NFATC2: variants seen among roughly 807,000 people sequenced by gnomAD.
NFATC2 encodes the protein nuclear factor of activated T-cells, cytoplasmic 2.
NFATC2 carries 22 observed loss-of-function variants against 87.3 expected under a neutral mutation model. The ratio of observed to expected loss-of-function variants is 0.25; its 90% CI spans 0.18 to 0.36. The LOEUF (loss-of-function observed/expected upper bound fraction) is 0.36. Among genes scored for constraint, NFATC2 ranks in the 10% least tolerant of loss-of-function variants. The pLI, the probability that NFATC2 is intolerant of heterozygous loss-of-function variation, is 1.00. For missense variants in NFATC2, 1,149 were observed against 1,259.1 expected (o/e 0.91, Z 1.32); for synonymous variants, 565 against 542.2 (o/e 1.04, Z -0.58).
rs1026856914 is a variant in NFATC2, at chr20:51,480,506, C to G, written c.1333-4846G>C. Among the ~76,000 whole-genome samples the G allele has an allele frequency of 1.3e-5, 2 of 152,188 alleles. No homozygotes were observed. The highest frequency in any genetic ancestry group is 2.9e-5 in the Non-Finnish European group (2 of 68,034). On this transcript the variant is annotated intron_variant, in intron 3 of 10. Coordinates refer to ENST00000371564, the MANE Select transcript of NFATC2 (RefSeq NM_012340.5). This position sits in a 1 kb window ranked among gnomAD's most constrained non-coding sequence, Gnocchi z 4.2. ...CTGGGTTGAGCTGGGCTGGCTTATA[C>G]AATGTGAGCAGATAGAATCCACCTG...
Position 51,517,912 on chromosome 20 carries a change from C to CAAA in NFATC2, c.1161-960_1161-958dup, listed in dbSNP as rs71192528. 9.8e-4 allele frequency among the ~76,000 whole-genome samples: 136 copies of CAAA among 139,088 alleles called. 1 individual carries two copies. Among genetic ancestry groups the CAAA allele is most frequent in the Non-Finnish European group, 1.4e-3 (89 of 64,492 alleles). 91.2% of individuals were successfully genotyped at this position (139,088 alleles called of 152,430 possible). A position where few individuals can be genotyped will look rare whatever the true frequency, so the allele number is the denominator to read the frequency against. On this transcript the variant is annotated intron_variant, in intron 2 of 10. Coordinates refer to ENST00000371564, the MANE Select transcript of NFATC2 (RefSeq NM_012340.5). Reference sequence around the variant, plus strand: ...AGCCTGGGTAACAGAGAGACTGTCTCAAAAAAAAAAAAAAACATAAACAAA... The same window carrying CAAA: ...AGCCTGGGTAACAGAGAGACTGTCTCAAAAAAAAAAAAAAAAAACATAAACAAA...
chr20:51,458,140 G>T (rs79243669), intron 5 of NFATC2, among the ~76,000 whole-genome samples: 7 of 152,166 alleles, frequency 4.6e-5, no homozygotes, highest in African/African-American at 1.7e-4. Context: ...GCCTCCCGAA[G>T]TGTTGGGATT....
rs780505863 is a variant in NFATC2 at position 51,475,616 on chromosome 20, G to A, written c.1377C>T (p.Phe459=). The change falls in exon 4 of 11, where the codon TTC becomes TTT. Residue 459 remains phenylalanine, a synonymous_variant. Coordinates refer to ENST00000371564, the MANE Select transcript of NFATC2 (RefSeq NM_012340.5). ...GGATCCGCTCATCAGCTGTCCCAAT[G>A]AAGATCTGAAGTCCCAGAGGCTTGT... is the stretch of plus-strand genomic sequence containing the variant. ...MENKPLGLQI[F]IGTADERILK... 17 of 1,614,032 alleles carry A rather than the reference G, an allele frequency of 1.1e-5. No individual in the cohort carries two copies. The South Asian group carries it at 1.5e-4, about 15-fold the overall frequency.
chr20:51,409,177 C>G (rs1188243279), intron 9 of NFATC2, among the ~76,000 whole-genome samples: 1 of 152,200 alleles, frequency 6.6e-6, no homozygotes, highest in Non-Finnish European at 1.5e-5. Flanking sequence ...TTGGTATCGT[C>G]TACTAAAGTT....
At chr20:51,469,177 CA>C (rs1987970360) in intron 5 of NFATC2, among the ~76,000 whole-genome samples, 1 of 152,160 alleles carries the variant, frequency 6.6e-6, no homozygotes, top group African/African-American at 2.4e-5. Context: ...CATGCACCAG[CA>C]TGCCTGGCTA....
At chr20:51,413,872 T>C (rs1441707916) in intron 9 of NFATC2, among the ~76,000 whole-genome samples, 2 of 152,234 alleles carry the variant, frequency 1.3e-5, no homozygotes, top group East Asian at 3.8e-4. Context: ...TGGGCTACAG[T>C]TTCCTCATCT....
intron 5 of NFATC2, among the ~76,000 whole-genome samples, chr20:51,460,333 T>G (rs1474145487): frequency 6.6e-6 from 1 of 151,868 alleles, no homozygotes; most frequent in Non-Finnish European, 1.5e-5. Flanking sequence ...CTTGTAGGGG[T>G]TTTCACAGCT....
rs74175559 is a variant in NFATC2, at chr20:51,550,592, A to AAAT, written c.70+11965_70+11967dup. Among the ~76,000 whole-genome samples the AAAT allele has an allele frequency of 4.8e-3, 721 of 151,658 alleles. 4 individuals carry two copies. Among genetic ancestry groups the AAAT allele is most frequent in the African/African-American group, 0.015 (641 of 41,366 alleles). On this transcript the variant is annotated intron_variant, in intron 1 of 10. Transcript: ENST00000414705. ...GGTGACAAGAGCGAAACTCCATCTC[A>AAAT]AATAATAATAATAATAATAATAAAT...
intron 1 of NFATC2, among the ~76,000 whole-genome samples, chr20:51,527,827 A>T (rs1453819788): frequency 1.3e-5 from 2 of 152,132 alleles, no homozygotes; most frequent in East Asian, 3.9e-4. Flanking sequence ...TGGGCCAGTC[A>T]TGGTGGCTCA....
intron 3 of NFATC2, among the ~76,000 whole-genome samples, chr20:51,493,442 A>G (rs1479515586): frequency 6.6e-6 from 1 of 152,218 alleles, no homozygotes. Context: ...AATTGACAAC[A>G]TGCTAGAGAA....
chr20:51,559,111 C>T (rs80150787), intron 1 of NFATC2, among the ~76,000 whole-genome samples: 3 of 152,294 alleles, frequency 2.0e-5, no homozygotes, highest in Non-Finnish European at 4.4e-5. Flanking sequence ...AAAGACTAGC[C>T]AGGAGGAGGG....
chr20:51,544,511 T>C (rs2076873511), upstream of NFATC2, among the ~76,000 whole-genome samples: 1 of 152,148 alleles, frequency 6.6e-6, no homozygotes, highest in South Asian at 2.1e-4. Flanking sequence ...ATTCCACAAA[T>C]ATTTATTGAG....
rs376798484 is a variant in NFATC2 at position 51,557,136 on chromosome 20, G to A, written c.70+5424C>T. On this transcript the variant is annotated intron_variant, in intron 1 of 10. Transcript: ENST00000414705. ...CCATAAAATGCCTTGACCACTCCCC[G>A]TGTTCTCTAAAAGGAGGGTCCTACT... Among the ~76,000 whole-genome samples the A allele has an allele frequency of 8.0e-4, 122 of 152,254 alleles. 1 individual carries two copies. In the South Asian group the frequency reaches 0.025, roughly 31 times the overall value.
chr20:51,440,547 A>G (rs1464915873), intron 6 of NFATC2, among the ~76,000 whole-genome samples: 1 of 152,200 alleles, frequency 6.6e-6, no homozygotes, highest in African/African-American at 2.4e-5. Context: ...TCTTTTCACC[A>G]TTAACTTTAA....
chr20:51,507,370 G>A (rs567810530), intron 3 of NFATC2, among the ~76,000 whole-genome samples: 11 of 152,258 alleles, frequency 7.2e-5, no homozygotes, highest in Middle Eastern at 6.8e-3. Context: ...AGCCCCCTCC[G>A]TATCATAGCC....
At chr20:51,429,345 A>C (rs1246175983) in intron 9 of NFATC2, among the ~76,000 whole-genome samples, 1 of 152,226 alleles carries the variant, frequency 6.6e-6, no homozygotes, top group Non-Finnish European at 1.5e-5. Flanking sequence ...GGAGCACTGA[A>C]CATAACTAGT....
intron 3 of NFATC2, among the ~76,000 whole-genome samples, chr20:51,482,728 G>A (rs1386722040): frequency 5.9e-5 from 9 of 152,144 alleles, no homozygotes; most frequent in African/African-American, 1.9e-4. Flanking sequence ...ATTTACTATA[G>A]TCACCATTCT....
Position 51,425,010 on chromosome 20 carries a change from T to C in NFATC2, c.2722+7057A>G, listed in dbSNP as rs146419284. Among the ~76,000 whole-genome samples the C allele has an allele frequency of 2.5e-3, 381 of 152,220 alleles. 1 individual carries two copies. Among genetic ancestry groups the C allele is most frequent in the African/African-American group, 8.6e-3 (358 of 41,528 alleles). ...CTATGGTACATGAACAGACACATTG[T>C]GTGTCTATAGCACTGACATTTCATG... is the stretch of plus-strand genomic sequence containing the variant. On this transcript the variant is annotated intron_variant, in intron 9 of 10. Transcript: ENST00000371564.
chr20:51,518,372 T>A (rs552625603), intron 2 of NFATC2, among the ~76,000 whole-genome samples: 1 of 152,198 alleles, frequency 6.6e-6, no homozygotes, highest in African/African-American at 2.4e-5. Context: ...ATTCTATGTC[T>A]TCTCTATCAC....
Sources: allele counts gnomAD v4.1 joint callset (sites outside exome capture counted in the v4.1 genomes callset), GRCh38; gene constraint gnomAD v4.1.1; non-coding constraint Gnocchi (gnomAD v3.1); transcripts MANE v1.5; gene names NCBI Gene and HGNC (gene_info 2026-07-23, HGNC 2026-07-21).